SEC24A: variants seen among roughly 807,000 people sequenced by gnomAD.
The protein encoded by SEC24A is SEC24 homolog A, COPII component.
In SEC24A, 93 loss-of-function variants were observed where a neutral mutation model predicts 129.4. The observed-to-expected ratio is 0.72, with a 90% confidence interval of 0.61 to 0.85. SEC24A has a LOEUF of 0.85. Among genes scored for constraint, SEC24A ranks in the 40% least tolerant of loss-of-function variants. The pLI is 0.00. For missense variants in SEC24A, 1,264 were observed against 1,307.4 expected, an observed-to-expected ratio of 0.97 and a Z score of 0.51; for synonymous variants, 460 against 467.3, an observed-to-expected ratio of 0.98 and a Z score of 0.20.
chr5:134,717,910 C>T lies in SEC24A; in HGVS notation c.2866-159C>T, dbSNP rs370634326. Among the ~76,000 whole-genome samples, 69 of 151,944 alleles carry T rather than the reference C, an allele frequency of 4.5e-4. 1 individual carries two copies. Among genetic ancestry groups the T allele is most frequent in the Middle Eastern group, 3.4e-3 (1 of 294 alleles). On this transcript the variant is annotated intron_variant, in intron 19 of 22. Transcript: ENST00000398844. ...AGCTTGGGCAACAAGAGCGAAACTC[C>T]GTCTCAAATAAATAAATAAATAAAT...
intron 9 of SEC24A, among the ~76,000 whole-genome samples, chr5:134,682,800 C>T (rs1446991174): frequency 5.3e-5 from 8 of 152,046 alleles, no homozygotes; most frequent in South Asian, 2.1e-4. Flanking sequence ...TTCCTGGGCT[C>T]GAGTGATCTG....
At chr5:134,661,082 C>A in intron 1 of SEC24A, 37 bp from the exon 2 acceptor site, 2 of 1,387,648 alleles carry the variant, frequency 1.4e-6, no homozygotes, top group Non-Finnish European at 9.9e-7. Context: ...TTGCTATATT[C>A]GTTGGTAAGA....
In SEC24A at chr5:134,725,807, TAATC is replaced by T. The variant is rs1306357191; in HGVS notation, c.*714_*717del. 6.6e-6 allele frequency: 1 copy of T among 152,538 alleles called. No individual in the cohort carries two copies. Among genetic ancestry groups the T allele is most frequent in the Admixed American group, 6.6e-5 (1 of 15,258 alleles). 9.4% of individuals were successfully genotyped at this position (152,538 alleles called of 1,614,324 possible). The stretch of plus-strand genomic sequence containing the variant: ...TGATGAAGAGTTGGACATACTGTCT[TAATC>T]TATAGTGAAAAGAATTTGAGCTGTC... On this transcript the variant is annotated 3_prime_UTR_variant, in exon 23 of 23. Coordinates refer to ENST00000398844, the MANE Select transcript of SEC24A (RefSeq NM_021982.3).
At chr5:134,723,246 G>A (rs891675427) in intron 21 of SEC24A, among the ~76,000 whole-genome samples, 13 of 151,994 alleles carry the variant, frequency 8.6e-5, no homozygotes, top group Admixed American at 2.0e-4. Context: ...CAGGTGTATC[G>A]CCTGAGCCCA....
intron 13 of SEC24A, 115 bp downstream of exon 13, chr5:134,694,048 G>T: frequency 2.5e-6 from 2 of 804,468 alleles, no homozygotes; most frequent in Non-Finnish European, 2.0e-6. Flanking sequence ...GGGACTATAA[G>T]GAAGTTAACT....
Position 134,718,105 on chromosome 5 carries a change from C to A in SEC24A, c.2902C>A (p.Pro968Thr), listed in dbSNP as rs766410022. The A allele has an allele frequency of 1.2e-6, 2 of 1,613,994 alleles. No individual in the cohort carries two copies. The highest frequency in any genetic ancestry group is 2.2e-5 in the East Asian group (1 of 44,880). ...CATCAGTGATAGAACCATACCTCAG[C>A]CCCCCATTCTTCAGCTTTCAGTGGA... The part of the protein sequence containing the change: ...LNISDRTIPQ[P>T]PILQLSVEKL... The change falls in exon 20 of 23, where the codon CCC becomes ACC. Residue 968 changes from proline to threonine, a missense_variant. Physicochemically the swap from Pro to Thr is conservative, Grantham distance 38 (BLOSUM62 -1). Transcript: ENST00000398844.
At chr5:134,653,101 G>C (rs1484784255) in intron 1 of SEC24A, among the ~76,000 whole-genome samples, 1 of 151,484 alleles carries the variant, frequency 6.6e-6, no homozygotes, top group South Asian at 2.1e-4. Flanking sequence ...CACTGTGCTC[G>C]GCCTAATTTT....
At chr5:134,691,965 A>G (rs1751671458) in intron 11 of SEC24A, among the ~76,000 whole-genome samples, 1 of 151,222 alleles carries the variant, frequency 6.6e-6, no homozygotes, top group African/African-American at 2.4e-5. Flanking sequence ...AAAAGGTCAA[A>G]GCAGAATTGT....
intron 12 of SEC24A, chr5:134,693,225 T>C (rs772545594): frequency 1.5e-5 from 23 of 1,487,910 alleles, no homozygotes; most frequent in Non-Finnish European, 1.9e-5. Flanking sequence ...GACTGTGCCA[T>C]AGTGCGAAGT....
At chr5:134,722,213 G>C (rs547765251) in intron 21 of SEC24A, among the ~76,000 whole-genome samples, 2 of 151,664 alleles carry the variant, frequency 1.3e-5, no homozygotes, top group African/African-American at 4.8e-5. Flanking sequence ...AAGGTTGCCC[G>C]GGCGTGGTGG....
chr5:134,706,290 A>T (rs576550326), intron 17 of SEC24A, among the ~76,000 whole-genome samples: 1 of 152,320 alleles, frequency 6.6e-6, no homozygotes, highest in East Asian at 1.9e-4. Flanking sequence ...GGAATTTGGG[A>T]TTGAAAACCA....
chr5:134,720,454 G>A (rs190693655), intron 20 of SEC24A, among the ~76,000 whole-genome samples: 5 of 152,216 alleles, frequency 3.3e-5, no homozygotes, highest in Non-Finnish European at 5.9e-5. Flanking sequence ...TTGTTCAGTG[G>A]ATTCATGGCA....
chr5:134,688,667 T>TTTTA (rs149900252), intron 11 of SEC24A, among the ~76,000 whole-genome samples: 9,013 of 151,038 alleles, frequency 0.06, 456 homozygotes, highest in African/African-American at 0.14. Flanking sequence ...AGTCAATTGA[T>TTTTA]TTTATTTATT....
chr5:134,716,600 C>T (rs1293868652), intron 19 of SEC24A, among the ~76,000 whole-genome samples: 3 of 151,646 alleles, frequency 2.0e-5, no homozygotes, highest in African/African-American at 7.3e-5. Flanking sequence ...GAGTTCGAGA[C>T]CAGCCTGGCC....
chr5:134,708,727 A>G lies in SEC24A; in HGVS notation c.2566A>G (p.Met856Val), dbSNP rs370561443. ...LLANMAVDRSMTASLSDARDA... is the reference protein window; with the variant it reads ...LLANMAVDRSVTASLSDARDA... ...ACCTTGCTTAGCTGTTGACAGATCT[A>G]TGACTGCCAGTCTGAGTGACGCTCG... The change falls in exon 18 of 23, where the codon ATG becomes GTG. Residue 856 changes from methionine to valine, a missense_variant. Coordinates refer to ENST00000398844, the MANE Select transcript of SEC24A (RefSeq NM_021982.3). 5.6e-6 allele frequency: 9 copies of G among 1,613,186 alleles called. No homozygotes were observed. The highest frequency in any genetic ancestry group is 4.0e-5 in the African/African-American group (3 of 74,856).
chr5:134,671,912 T>C (rs1750879082), intron 4 of SEC24A, 26 bp downstream of exon 4: 1 of 1,383,494 alleles, frequency 7.2e-7, no homozygotes, highest in East Asian at 2.3e-5. Context: ...AGTTTTTTTT[T>C]TAATCTCTTT....
In SEC24A at chr5:134,708,850, C is replaced by T. The variant is rs764105286; in HGVS notation, c.2689C>T (p.Arg897Trp). The change falls in exon 18 of 23, where the codon CGG becomes TGG. Residue 897 changes from arginine to tryptophan, a missense_variant. By Grantham distance (101) the Arg-to-Trp change is moderately radical. Transcript: ENST00000398844. ...TGGACTCATGGTTCCTTTTTCTTTG[C>T]GGCTTTTCCCACTTTTTGTGTTGGC... is the stretch of plus-strand genomic sequence containing the variant. ...QPGLMVPFSL[R>W]LFPLFVLALL... is the part of the protein sequence containing the mutation. 5.0e-5 allele frequency: 80 copies of T among 1,613,414 alleles called. No individual in the cohort carries two copies. The highest frequency in any genetic ancestry group is 8.4e-5 in the Admixed American group (5 of 59,756).
intron 3 of SEC24A, among the ~76,000 whole-genome samples, chr5:134,668,194 T>C (rs1750730578): frequency 6.6e-6 from 1 of 152,222 alleles, no homozygotes; most frequent in South Asian, 2.1e-4. Context: ...GGTAAAACCA[T>C]TGCCCATATT....
Position 134,658,526 on chromosome 5 carries a change from G to A in SEC24A, c.98-2593G>A, listed in dbSNP as rs1226577700. ...CAGTCCTCTTGCCTCAGCCTCCTGAGAAGCTAGATCTACAGGCATGTGCCA... is the reference window on the plus strand; with the variant it reads ...CAGTCCTCTTGCCTCAGCCTCCTGAAAAGCTAGATCTACAGGCATGTGCCA... On this transcript the variant is annotated intron_variant, in intron 1 of 22. Coordinates refer to ENST00000398844, the MANE Select transcript of SEC24A (RefSeq NM_021982.3). Among the ~76,000 whole-genome samples, 5 of 152,270 alleles carry A rather than the reference G, an allele frequency of 3.3e-5. No homozygotes were observed. In the East Asian group the frequency reaches 5.8e-4, roughly 18 times the overall value.
Sources: gnomAD v4.1 joint callset for allele counts (sites outside exome capture counted in the v4.1 genomes callset) on GRCh38, gnomAD v4.1.1 for gene constraint, MANE v1.5 for transcripts, NCBI Gene and HGNC (gene_info 2026-07-23, HGNC 2026-07-21) for gene names.